Variants in CD244 observed in about 807,000 individuals in gnomAD.
The protein encoded by CD244 is CD244 molecule.
CD244 carries 20 observed loss-of-function variants against 45.5 expected under a neutral mutation model. The observed-to-expected ratio is 0.44, with a 90% CI of 0.31 to 0.64. The LOEUF (loss-of-function observed/expected upper bound fraction) is 0.64. CD244 is among the 30% of genes least tolerant of loss of function. The pLI, the probability that CD244 is intolerant of heterozygous loss-of-function variation, is 0.08. For synonymous variants in CD244, 185 were observed against 160.5 expected (o/e 1.15, Z -1.15); for missense variants, 407 against 426.9 (o/e 0.95, Z 0.41).
intron 1 of CD244, among the ~76,000 whole-genome samples, chr1:160,854,142 T>C (rs532703095): frequency 6.6e-6 from 1 of 152,330 alleles, no homozygotes; most frequent in African/African-American, 2.4e-5. Context: ...AGTTTAATTT[T>C]CAGGTGTTTA....
chr1:160,831,860 G>A (rs1669137311), intron 8 of CD244, among the ~76,000 whole-genome samples: 1 of 152,150 alleles, frequency 6.6e-6, no homozygotes, highest in Admixed American at 6.5e-5. Context: ...GGGGAGGTTG[G>A]GGGATGCTCT....
At chr1:160,862,507 A>C (rs1236229265) in intron 1 of CD244, 110 bp downstream of exon 1, 1 of 906,730 alleles carries the variant, frequency 1.1e-6, no homozygotes. Context: ...CTCGGAGTCA[A>C]GTTCCAGATG....
chr1:160,832,740 T>C, intron 7 of CD244, 165 bp from the exon 8 acceptor site: 2 of 1,437,038 alleles, frequency 1.4e-6, no homozygotes, highest in Non-Finnish European at 1.9e-6. Context: ...AACAATGGTG[T>C]TTATGGTCTC....
chr1:160,845,556 G>T (rs761577954), intron 1 of CD244, among the ~76,000 whole-genome samples: 9 of 152,094 alleles, frequency 5.9e-5, no homozygotes, highest in Admixed American at 2.6e-4. Flanking sequence ...CCCCAAGCAA[G>T]ATCAAAACAA....
chr1:160,846,281 C>T (rs1300153258), intron 1 of CD244, among the ~76,000 whole-genome samples: 1 of 152,150 alleles, frequency 6.6e-6, no homozygotes, highest in Non-Finnish European at 1.5e-5. Context: ...TTAACTCCCA[C>T]GTATCAGTGA....
In CD244 at chr1:160,831,309, A is replaced by T; in HGVS notation, c.*38T>A. The T allele has an allele frequency of 6.6e-7, 1 of 1,513,144 alleles. No individual in the cohort carries two copies. Among genetic ancestry groups the T allele is most frequent in the Non-Finnish European group, 9.2e-7 (1 of 1,087,730 alleles). 93.7% of individuals were successfully genotyped at this position (1,513,144 alleles called of 1,614,324 possible). On this transcript the variant is annotated 3_prime_UTR_variant, in exon 9 of 9. Coordinates refer to ENST00000368034, the MANE Select transcript of CD244 (RefSeq NM_016382.4). The stretch of plus-strand genomic sequence containing the variant: ...TCCACTGTGCCAATTCCCAAAGCAG[A>T]TGCTGATGTGCAAGAAAGGTGAGAA...
Position 160,838,530 on chromosome 1 carries a change from A to C in CD244, c.767-12T>G. 6.3e-7 allele frequency: 1 copy of C among 1,597,494 alleles called. No homozygotes were observed. Among genetic ancestry groups the C allele is most frequent in the Non-Finnish European group, 8.6e-7 (1 of 1,164,868 alleles). On this transcript the variant is annotated splice_polypyrimidine_tract_variant and intron_variant, in intron 4 of 8. Coordinates refer to ENST00000368034, the MANE Select transcript of CD244 (RefSeq NM_016382.4). The stretch of plus-strand genomic sequence containing the variant: ...CTTGGGACTGGTCTCTGAGGGAGGA[A>C]GAAAACAAAGAGCAGAGCTGCAGAA...
chr1:160,836,230 C>G lies in CD244; in HGVS notation c.859G>C (p.Gly287Arg). ...ATCATAGAGTAGATGGTGCTCCCCC[C>G]TCCAGGAAAAGTCTGCTCCTGCTCC... ...NHEQEQTFPG[G>R]GSTIYSMIQS... The change falls in exon 6 of 9, where the codon GGG becomes CGG. Residue 287 changes from glycine (G) to arginine (R), a missense_variant. By Grantham distance (125) the Gly-to-Arg change is moderately radical. Transcript: ENST00000368034. 1 of 1,613,896 alleles carries G rather than the reference C, an allele frequency of 6.2e-7. No homozygotes were observed. Among genetic ancestry groups the G allele is most frequent in the Non-Finnish European group, 8.5e-7 (1 of 1,179,800 alleles).
At chr1:160,839,269 A>T (rs187606983) in intron 3 of CD244, 593 of 472,134 alleles carry the variant, frequency 1.3e-3, no homozygotes, top group African/African-American at 0.01. Flanking sequence ...GGCCTGGCTC[A>T]AATTCTAACC....
At chr1:160,849,283 C>CTTTTTTTTTTTTTTTT (rs371170555) in intron 1 of CD244, among the ~76,000 whole-genome samples, 3 of 139,328 alleles carry the variant, frequency 2.2e-5, no homozygotes, top group Non-Finnish European at 3.1e-5. Context: ...CCATCTCTTT[C>CTTTTTTTTTTTTTTTT]TTTTTTTTTT....
chr1:160,838,096 A>C (rs1669395539), intron 5 of CD244, among the ~76,000 whole-genome samples: 1 of 152,208 alleles, frequency 6.6e-6, no homozygotes, highest in Non-Finnish European at 1.5e-5. Flanking sequence ...GGGACTCATG[A>C]ATGTAAGCCC....
chr1:160,844,048 T>A (rs1669638119), intron 1 of CD244, among the ~76,000 whole-genome samples: 1 of 152,196 alleles, frequency 6.6e-6, no homozygotes, highest in Non-Finnish European at 1.5e-5. Flanking sequence ...GAACTGAAGC[T>A]CAATTTTGAA....
chr1:160,849,577 T>C (rs542408329), intron 1 of CD244, among the ~76,000 whole-genome samples: 2 of 152,330 alleles, frequency 1.3e-5, no homozygotes, highest in East Asian at 3.9e-4. Context: ...TGTGTTAGTT[T>C]GCTGAGAACG....
chr1:160,836,300 T>A (rs370005198), intron 5 of CD244, 46 bp from the exon 6 acceptor site: 141 of 1,485,986 alleles, frequency 9.5e-5, no homozygotes, highest in Non-Finnish European at 1.7e-5. Flanking sequence ...CAGTTCGGTC[T>A]GTCCAGATTT....
chr1:160,853,222 G>A (rs2101889838), intron 1 of CD244, among the ~76,000 whole-genome samples: 1 of 152,316 alleles, frequency 6.6e-6, no homozygotes, highest in Non-Finnish European at 1.5e-5. Flanking sequence ...TGGCAATAAT[G>A]TGGATGGATC....
At chr1:160,840,939 GTCAC>G (rs1302838917) in intron 3 of CD244, among the ~76,000 whole-genome samples, 1 of 152,212 alleles carries the variant, frequency 6.6e-6, no homozygotes, top group Non-Finnish European at 1.5e-5. Context: ...TTTCAGGACT[GTCAC>G]TCACCAAACA....
rs553785088 is a variant in CD244 at position 160,841,180 on chromosome 1, G to T, written c.655+30C>A. On this transcript the variant is annotated intron_variant, in intron 3 of 8. Coordinates refer to ENST00000368034, the MANE Select transcript of CD244 (RefSeq NM_016382.4). ...TGGTTGCGGGGTCCAAACCTTCAGCGCTTGTTATAGCCCAGTGTGTTCCAC... is the reference window on the plus strand; with the variant it reads ...TGGTTGCGGGGTCCAAACCTTCAGCTCTTGTTATAGCCCAGTGTGTTCCAC... 2.9e-5 allele frequency: 46 copies of T among 1,609,622 alleles called. No homozygotes were observed. In the South Asian group the frequency reaches 5.1e-4, roughly 18 times the overall value.
At chr1:160,833,445 C>T (rs1301337926) in intron 7 of CD244, among the ~76,000 whole-genome samples, 2 of 152,186 alleles carry the variant, frequency 1.3e-5, no homozygotes, top group Non-Finnish European at 2.9e-5. Context: ...CATCCCCTTC[C>T]ATACAAGAGA....
At chr1:160,846,433 G>A (rs1669742772) in intron 1 of CD244, among the ~76,000 whole-genome samples, 1 of 152,248 alleles carries the variant, frequency 6.6e-6, no homozygotes, top group Non-Finnish European at 1.5e-5. Flanking sequence ...TTGGGAGGCT[G>A]AAGCAGGTGA....
Sources: gnomAD v4.1 joint callset for allele counts (sites outside exome capture counted in the v4.1 genomes callset) on GRCh38, gnomAD v4.1.1 for gene constraint, MANE v1.5 for transcripts, NCBI Gene and HGNC (gene_info 2026-07-23, HGNC 2026-07-21) for gene names.